Variants in AKAP10 observed in about 807,000 individuals in gnomAD.
AKAP10 encodes the protein A-kinase anchor protein 10, mitochondrial.
In AKAP10, 24 loss-of-function variants were observed where a neutral mutation model predicts 80.8. The observed-to-expected ratio is 0.30, with a 90% CI of 0.22 to 0.42. The LOEUF (loss-of-function observed/expected upper bound fraction) is 0.42. Ranked by LOEUF, AKAP10 falls within the 10% of genes least tolerant of loss-of-function variation. The pLI is 1.00. For missense variants in AKAP10, 661 were observed against 794.9 expected (o/e 0.83, Z 2.03); for synonymous variants, 291 against 277.7 (o/e 1.05, Z -0.48).
chr17:19,940,969 T>C lies in AKAP10; in HGVS notation c.1103A>G (p.Tyr368Cys). 6.2e-7 allele frequency: 1 copy of C among 1,611,354 alleles called. No homozygotes were observed. The highest frequency in any genetic ancestry group is 8.5e-7 in the Non-Finnish European group (1 of 1,179,330). The change falls in exon 7 of 15, where the codon TAC (tyrosine) becomes TGC (cysteine). Residue 368 changes from tyrosine (Y) to cysteine (C), a missense_variant. By Grantham distance (194) the Tyr-to-Cys change is radical (BLOSUM62 -2). Transcript: ENST00000225737. ...EFLRSHHFCK[Y>C]QIEVLTSGTV... is the part of the protein sequence containing the mutation. Reference sequence around the variant, plus strand: ...TCCACTGGTCAGCACTTCAATCTGGTATTTACAGAAATGGTGACTTCGCAG... The same window carrying C: ...TCCACTGGTCAGCACTTCAATCTGGCATTTACAGAAATGGTGACTTCGCAG...
At chr17:19,934,561 G>C (rs918283686) in intron 9 of AKAP10, among the ~76,000 whole-genome samples, 35 of 152,118 alleles carry the variant, frequency 2.3e-4, no homozygotes, top group African/African-American at 8.0e-4. Context: ...AATAATAATA[G>C]TAATAAAAGT....
chr17:19,912,118 T>A (rs1181165581), intron 12 of AKAP10, among the ~76,000 whole-genome samples: 1 of 151,872 alleles, frequency 6.6e-6, no homozygotes, highest in Non-Finnish European at 1.5e-5. Flanking sequence ...AAGGCTCTTT[T>A]CAAAACTCAA....
chr17:19,941,802 A>G (rs756309258), intron 6 of AKAP10, 24 bp downstream of exon 6: 11 of 1,521,276 alleles, frequency 7.2e-6, no homozygotes, highest in East Asian at 2.4e-5. Flanking sequence ...AGGATGCACA[A>G]TGTGAAAATA....
At chr17:19,908,569 G>A (rs774529646) in intron 14 of AKAP10, among the ~76,000 whole-genome samples, 6 of 152,034 alleles carry the variant, frequency 3.9e-5, no homozygotes, top group Non-Finnish European at 7.4e-5. Context: ...ATATCTCTAC[G>A]GCTTTCTTTC....
intron 11 of AKAP10, among the ~76,000 whole-genome samples, chr17:19,923,288 GGCT>G (rs1478082297): frequency 2.6e-5 from 4 of 151,952 alleles, no homozygotes; most frequent in Non-Finnish European, 4.4e-5. Flanking sequence ...ATGTTGCCCA[GGCT>G]GGTCTCGAAC....
chr17:19,971,371 T>C (rs2043495418), intron 1 of AKAP10, among the ~76,000 whole-genome samples: 1 of 151,724 alleles, frequency 6.6e-6, no homozygotes, highest in Non-Finnish European at 1.5e-5. Context: ...GAGCTGGGCA[T>C]GGTGGTGCAT....
chr17:19,910,927 T>C (rs1168373509), intron 12 of AKAP10, among the ~76,000 whole-genome samples: 1 of 152,234 alleles, frequency 6.6e-6, no homozygotes, highest in Non-Finnish European at 1.5e-5. Context: ...CCTCTATTTC[T>C]ATGAATGAAA....
chr17:19,972,865 C>T (rs960777126), intron 1 of AKAP10, among the ~76,000 whole-genome samples: 2 of 152,208 alleles, frequency 1.3e-5, no homozygotes, highest in African/African-American at 2.4e-5. Context: ...GTTCCCCCTA[C>T]CTGTTCTTCT....
chr17:19,942,235 A>G (rs1363561550), intron 5 of AKAP10, among the ~76,000 whole-genome samples: 1 of 152,226 alleles, frequency 6.6e-6, no homozygotes, highest in African/African-American at 2.4e-5. Flanking sequence ...TAAAATACCA[A>G]GAGCTCTTAT....
chr17:19,945,779 G>C (rs1470394316), intron 5 of AKAP10, among the ~76,000 whole-genome samples: 1 of 152,078 alleles, frequency 6.6e-6, no homozygotes, highest in Non-Finnish European at 1.5e-5. Context: ...CCAACATCGG[G>C]ACAGATCTGC....
chr17:19,933,819 A>C (rs1363372170), intron 9 of AKAP10, among the ~76,000 whole-genome samples: 1 of 152,192 alleles, frequency 6.6e-6, no homozygotes, highest in Admixed American at 6.5e-5. Context: ...GACACATACA[A>C]GCAACATAAC....
chr17:19,949,582 C>T (rs558943286), intron 4 of AKAP10, among the ~76,000 whole-genome samples: 1 of 151,792 alleles, frequency 6.6e-6, no homozygotes, highest in Admixed American at 6.6e-5. Context: ...CCATCCTGGC[C>T]AACACAGTGA....
intron 12 of AKAP10, among the ~76,000 whole-genome samples, chr17:19,914,647 A>AAG (rs2042725868): frequency 1.3e-5 from 2 of 151,448 alleles, no homozygotes; most frequent in Admixed American, 1.3e-4. Flanking sequence ...AAAAAAAAAA[A>AAG]AAAGATAAAA....
chr17:19,936,458 A>C, intron 8 of AKAP10, 28 bp from the exon 9 acceptor site: 1 of 1,581,564 alleles, frequency 6.3e-7, no homozygotes, highest in East Asian at 2.3e-5. Context: ...CCGAAGTAAA[A>C]TCAAATTCCA....
intron 1 of AKAP10, among the ~76,000 whole-genome samples, chr17:19,973,115 A>T (rs895620672): frequency 4.6e-5 from 7 of 152,070 alleles, no homozygotes; most frequent in Non-Finnish European, 1.0e-4. Context: ...GAGTAGCTGG[A>T]ATTATAGACA....
At chr17:19,937,663 C>T (rs1197491040) in intron 8 of AKAP10, among the ~76,000 whole-genome samples, 2 of 152,180 alleles carry the variant, frequency 1.3e-5, no homozygotes, top group African/African-American at 4.8e-5. Context: ...TAAACTCTTC[C>T]TATCTCAACA....
chr17:19,907,481 G>A (rs1031049617), intron 14 of AKAP10, among the ~76,000 whole-genome samples: 15 of 144,262 alleles, frequency 1.0e-4, no homozygotes, highest in African/African-American at 1.6e-4. Context: ...GCACAATCTC[G>A]GCTTACTGCA....
chr17:19,949,923 AC>A (rs1269334142), intron 4 of AKAP10, among the ~76,000 whole-genome samples: 1 of 152,148 alleles, frequency 6.6e-6, no homozygotes, highest in Non-Finnish European at 1.5e-5. Flanking sequence ...ATGTGAGTAC[AC>A]TGTGAAAAGT....
intron 11 of AKAP10, among the ~76,000 whole-genome samples, 181 bp downstream of exon 11, chr17:19,924,209 AAATGGCAGAGCCAAGATT>A (rs2042849737): frequency 1.3e-5 from 2 of 152,214 alleles, no homozygotes; most frequent in Non-Finnish European, 2.9e-5. Context: ...GGCTGCCAAT[AAATGGCAGAGCCAAGATT>A]AAAACCCAGG....
Sources: gnomAD v4.1 joint callset for allele counts (sites outside exome capture counted in the v4.1 genomes callset) on GRCh38, gnomAD v4.1.1 for gene constraint, MANE v1.5 for transcripts, NCBI Gene and HGNC (gene_info 2026-07-23, HGNC 2026-07-21) for gene names.